The following TRIM9 variants were observed in gnomAD, a reference collection of about 807,000 sequenced individuals.
The protein encoded by TRIM9 is E3 ubiquitin-protein ligase TRIM9.
A neutral mutation model predicts 78.3 loss-of-function variants in TRIM9; 26 were observed. The observed-to-expected ratio is 0.33, with a 90% CI of 0.24 to 0.46. The LOEUF (loss-of-function observed/expected upper bound fraction) is 0.46, where lower values mean the gene tolerates loss of function less well. Among genes scored for constraint, TRIM9 ranks in the 20% least tolerant of loss-of-function variants. The pLI, the probability that TRIM9 is intolerant of heterozygous loss-of-function variation, is 1.00. For synonymous variants in TRIM9, 398 were observed against 416.5 expected (o/e 0.96, Z 0.54); for missense variants, 787 against 1,036.4 (o/e 0.76, Z 3.30).
chr14:51,029,743 C>G (rs1377291692), intron 1 of TRIM9, among the ~76,000 whole-genome samples: 1 of 151,488 alleles, frequency 6.6e-6, no homozygotes, highest in East Asian at 1.9e-4. Context: ...AATCACCTCC[C>G]TGCCATTTTG....
At position 51,066,086 on chromosome 14, in the gene TRIM9, A is replaced by AGGG. The variant is rs1354045254; in HGVS notation, c.822+28031_822+28032insCCC. 1.5e-3 allele frequency among the ~76,000 whole-genome samples: 117 copies of AGGG among 80,518 alleles called. No homozygotes were observed. In the Middle Eastern group the frequency reaches 0.021, roughly 14 times the overall value. 52.8% of individuals were successfully genotyped at this position (80,518 alleles called of 152,430 possible). ...GAAGGAAGGAAGGAAGGAAGGAAGG[A>AGGG]AGGAGGGAGGGAGGGACGGAGGGAG... On this transcript the variant is annotated intron_variant, in intron 1 of 12. Coordinates refer to ENST00000684578, the MANE Select transcript of TRIM9 (RefSeq NM_001387360.1).
intron 1 of TRIM9, among the ~76,000 whole-genome samples, chr14:51,070,889 C>T (rs1172653749): frequency 1.3e-5 from 2 of 152,096 alleles, no homozygotes; most frequent in Admixed American, 6.6e-5. Flanking sequence ...CATTCCTAGA[C>T]GTTTTCTTTC....
intron 1 of TRIM9, among the ~76,000 whole-genome samples, chr14:51,054,338 T>C (rs962887132): frequency 6.6e-6 from 1 of 152,050 alleles, no homozygotes; most frequent in Non-Finnish European, 1.5e-5. Flanking sequence ...AGTGGCTCCA[T>C]CTTGGCTCAC....
At chr14:51,092,310 T>C (rs995962244) in intron 1 of TRIM9, among the ~76,000 whole-genome samples, 2 of 152,252 alleles carry the variant, frequency 1.3e-5, no homozygotes, top group African/African-American at 2.4e-5. Flanking sequence ...TAATAGGTTA[T>C]ATGTGAGAAT....
intron 1 of TRIM9, among the ~76,000 whole-genome samples, chr14:51,075,165 T>G (rs189001816): frequency 7.3e-4 from 111 of 152,194 alleles, no homozygotes; most frequent in African/African-American, 2.6e-3. Flanking sequence ...GTTAAGTGGG[T>G]CGCCCAAGGA....
chr14:50,997,764 G>A (rs1323781167), intron 7 of TRIM9: 6 of 1,346,690 alleles, frequency 4.5e-6, no homozygotes, highest in Non-Finnish European at 5.7e-6. Flanking sequence ...GCACATTCAG[G>A]CCTTCATTTT....
At chr14:51,060,615 T>C (rs985375012) in intron 1 of TRIM9, among the ~76,000 whole-genome samples, 4 of 152,256 alleles carry the variant, frequency 2.6e-5, no homozygotes, top group East Asian at 1.9e-4. Context: ...TACAGGCGCC[T>C]GCCACCACGC....
intron 1 of TRIM9, among the ~76,000 whole-genome samples, chr14:51,032,097 T>A (rs550018942): frequency 6.6e-6 from 1 of 152,340 alleles, no homozygotes; most frequent in East Asian, 1.9e-4. Context: ...TACCTCTTTT[T>A]AAATAATAAT....
Position 51,009,243 on chromosome 14 carries a change from T to C in TRIM9, c.1153-10A>G, listed in dbSNP as rs773613104. The C allele has an allele frequency of 1.1e-5, 18 of 1,613,660 alleles. No individual in the cohort carries two copies. In the Admixed American group the frequency reaches 3.0e-4, roughly 27 times the overall value. On this transcript the variant is annotated splice_polypyrimidine_tract_variant and intron_variant, in intron 4 of 12. Transcript: ENST00000684578. ...TGAGGGCGTCAGAAATCTAATCAGA[T>C]AAAGAGGACCACAGCCTAAGAAATA...
intron 3 of TRIM9, 120 bp downstream of exon 3, chr14:51,022,715 C>A (rs931776515): frequency 4.0e-6 from 6 of 1,485,266 alleles, no homozygotes; most frequent in South Asian, 1.3e-5. Context: ...CCACTGGCTA[C>A]CCAAGGCTGT....
intron 7 of TRIM9, among the ~76,000 whole-genome samples, chr14:50,990,473 T>C (rs138913890): frequency 9.3e-4 from 142 of 152,322 alleles, no homozygotes; most frequent in African/African-American, 3.3e-3. Context: ...TCATATATTA[T>C]TGATTGGTTT....
chr14:51,054,711 C>G (rs147605863), intron 1 of TRIM9, among the ~76,000 whole-genome samples: 3,795 of 152,198 alleles, frequency 0.025, 161 homozygotes, highest in African/African-American at 0.088. Context: ...GTAGCTGGGA[C>G]TACAGGCGCA....
chr14:50,983,376 T>C lies in TRIM9; in HGVS notation c.1834+4A>G. On this transcript the variant is annotated splice_donor_region_variant and intron_variant, in intron 9 of 12. Coordinates refer to ENST00000684578, the MANE Select transcript of TRIM9 (RefSeq NM_001387360.1). Reference sequence around the variant, plus strand: ...TAAAAGATAATTACAATAGGTATACTTGCCTAATTGAGAGTAAGGTGCAGA... The same window carrying C: ...TAAAAGATAATTACAATAGGTATACCTGCCTAATTGAGAGTAAGGTGCAGA... 6.5e-7 allele frequency: 1 copy of C among 1,539,224 alleles called. No individual in the cohort carries two copies. The highest frequency in any genetic ancestry group is 8.8e-7 in the Non-Finnish European group (1 of 1,139,824).
At chr14:51,041,824 T>A (rs2059599379) in intron 1 of TRIM9, among the ~76,000 whole-genome samples, 1 of 152,232 alleles carries the variant, frequency 6.6e-6, no homozygotes, top group South Asian at 2.1e-4. Flanking sequence ...AAATAATGTT[T>A]AATAAACATG....
chr14:50,997,901 G>A (rs888225530), intron 7 of TRIM9, 149 bp downstream of exon 7: 63 of 1,473,626 alleles, frequency 4.3e-5, no homozygotes, highest in Admixed American at 2.1e-4. Flanking sequence ...TCTAAAGGCA[G>A]GAGAGGAACA....
At chr14:50,981,454 C>T (rs554768329) in intron 11 of TRIM9, among the ~76,000 whole-genome samples, 12 of 152,252 alleles carry the variant, frequency 7.9e-5, no homozygotes, top group South Asian at 6.2e-4. Context: ...GTTCAAAAAA[C>T]GAAGTAACTT....
chr14:51,051,394 C>T (rs937581195), intron 1 of TRIM9, among the ~76,000 whole-genome samples: 1 of 152,144 alleles, frequency 6.6e-6, no homozygotes, highest in Non-Finnish European at 1.5e-5. Flanking sequence ...CCCAAGGACC[C>T]TCAGAGGACC....
chr14:51,081,923 T>G (rs1286992823), intron 1 of TRIM9, among the ~76,000 whole-genome samples: 1 of 152,164 alleles, frequency 6.6e-6, no homozygotes, highest in Non-Finnish European at 1.5e-5. Flanking sequence ...TTCCAAATCT[T>G]GTTGTTCAAG....
At chr14:51,028,124 T>A (rs558400142) in intron 1 of TRIM9, among the ~76,000 whole-genome samples, 5 of 152,306 alleles carry the variant, frequency 3.3e-5, no homozygotes, top group African/African-American at 1.2e-4. Context: ...CCCCATCTAG[T>A]CCCAGGATTT....
Sources: allele counts gnomAD v4.1 joint callset (sites outside exome capture counted in the v4.1 genomes callset), GRCh38; gene constraint gnomAD v4.1.1; transcripts MANE v1.5; gene names NCBI Gene and HGNC (gene_info 2026-07-23, HGNC 2026-07-21).